The following NPC1L1 variants were observed in gnomAD, a reference collection of about 807,000 sequenced individuals.
NPC1L1 encodes NPC1 like intracellular cholesterol transporter 1.
A neutral mutation model predicts 117.0 loss-of-function variants in NPC1L1; 98 were observed. That is an observed-to-expected ratio of 0.84 (90% confidence interval 0.71 to 0.99). The LOEUF is 0.99. Ranked by LOEUF, NPC1L1 falls within the 50% of genes least tolerant of loss-of-function variation. The probability of loss-of-function intolerance (pLI) is 0.00; values close to 1 mark genes in which losing one functional copy is unlikely to be tolerated. For synonymous variants in NPC1L1, 729 were observed against 727.6 expected (o/e 1.00, Z -0.03); for missense variants, 1,540 against 1,710.0 (o/e 0.90, Z 1.75).
At chr7:44,525,912 T>TC (rs764238105) in intron 10 of NPC1L1, among the ~76,000 whole-genome samples, 13 of 152,252 alleles carry the variant, frequency 8.5e-5, no homozygotes, top group Admixed American at 2.6e-4. Context: ...ATGCCTGTAA[T>TC]CCCAGCACTT....
rs1249418980 is a variant in NPC1L1, at chr7:44,539,080, G to A, written c.1317C>T (p.Asp439=). ...PKNFSGILDL[D]LLLELLELQE... is the part of the protein sequence containing the mutation. The stretch of plus-strand genomic sequence containing the variant: ...GCAGCTCTAGCAGCTCCAGCAGCAA[G>A]TCCAGGTCCAGGATTCCGCTGAAGT... The change falls in exon 2 of 19, where the codon GAC becomes GAT. Residue 439 remains aspartate (D), a synonymous_variant. Coordinates refer to ENST00000381160, the MANE Select transcript of NPC1L1 (RefSeq NM_001101648.2). The surrounding 1 kb of genome is among the most constrained non-coding windows in gnomAD (Gnocchi z 4.4). The A allele has an allele frequency of 6.2e-7, 1 of 1,614,086 alleles. No individual in the cohort carries two copies.
intron 18 of NPC1L1, among the ~76,000 whole-genome samples, chr7:44,514,277 C>A (rs916654473): frequency 6.6e-6 from 1 of 152,222 alleles, no homozygotes; most frequent in Non-Finnish European, 1.5e-5. Flanking sequence ...CCAGAAACAC[C>A]TTCATCCTGG....
chr7:44,521,850 G>C lies in NPC1L1; in HGVS notation c.2829-14C>G. On this transcript the variant is annotated splice_polypyrimidine_tract_variant and intron_variant, in intron 11 of 18. Coordinates refer to ENST00000381160, the MANE Select transcript of NPC1L1 (RefSeq NM_001101648.2). ...GCCAGGTAAGACCTAAGGGGCAGGTGGGAGGAAGGGTGAAAAGGCCAGCTG... is the reference window on the plus strand; with the variant it reads ...GCCAGGTAAGACCTAAGGGGCAGGTCGGAGGAAGGGTGAAAAGGCCAGCTG... 1.2e-6 allele frequency: 2 copies of C among 1,613,948 alleles called. No individual in the cohort carries two copies. Among genetic ancestry groups the C allele is most frequent in the Non-Finnish European group, 1.7e-6 (2 of 1,179,986 alleles).
chr7:44,515,104 A>C (rs1345396561), intron 18 of NPC1L1, among the ~76,000 whole-genome samples: 2 of 152,152 alleles, frequency 1.3e-5, no homozygotes, highest in African/African-American at 2.4e-5. Context: ...CACACCTGTA[A>C]TCCTAGCACT....
intron 10 of NPC1L1, among the ~76,000 whole-genome samples, chr7:44,529,879 C>T (rs939194983): frequency 1.3e-5 from 2 of 150,856 alleles, no homozygotes; most frequent in African/African-American, 4.9e-5. Context: ...ACTAAAAGTA[C>T]AAAAATTAGC....
At position 44,534,714 on chromosome 7, in the gene NPC1L1, C is replaced by T; in HGVS notation, c.1984-85G>A. ...GCCTCAGCTAGGCCAGACAAAGTAG[C>T]CGGCAGGCACCCTCAGTGCCTGCAG... On this transcript the variant is annotated intron_variant, in intron 5 of 18. Coordinates refer to ENST00000381160, the MANE Select transcript of NPC1L1 (RefSeq NM_001101648.2). This position sits in a 1 kb window ranked among gnomAD's most constrained non-coding sequence, Gnocchi z 5.2. 2 of 1,462,352 alleles carry T rather than the reference C, an allele frequency of 1.4e-6. No individual in the cohort carries two copies. Among genetic ancestry groups the T allele is most frequent in the South Asian group, 1.2e-5 (1 of 86,688 alleles). 90.6% of individuals were successfully genotyped at this position (1,462,352 alleles called of 1,614,324 possible). A position where few individuals can be genotyped will look rare whatever the true frequency, so the allele number is the denominator to read the frequency against.
chr7:44,513,401 C>A lies in NPC1L1; in HGVS notation c.*46G>T, dbSNP rs770080176. 2 of 1,572,272 alleles carry A rather than the reference C, an allele frequency of 1.3e-6. No individual in the cohort carries two copies. The highest frequency in any genetic ancestry group is 1.8e-6 in the Non-Finnish European group (2 of 1,142,322). Reference sequence around the variant, plus strand: ...GCAGTCACAAGGAAGATCCCCATAACCCTTTGGTTCAGGGCCATAGAGCCT... The same window carrying A: ...GCAGTCACAAGGAAGATCCCCATAAACCTTTGGTTCAGGGCCATAGAGCCT... On this transcript the variant is annotated 3_prime_UTR_variant, in exon 19 of 19. Coordinates refer to ENST00000381160, the MANE Select transcript of NPC1L1 (RefSeq NM_001101648.2).
At chr7:44,521,176 G>A (rs1801342501) in intron 12 of NPC1L1, 58 bp from the exon 13 acceptor site, 1 of 1,610,968 alleles carries the variant, frequency 6.2e-7, no homozygotes, top group African/African-American at 1.3e-5. Context: ...CTCCTGCTTT[G>A]TGCCCCTCCT....
Position 44,513,642 on chromosome 7 carries a change from G to A in NPC1L1, c.3804C>T (p.Asp1268=), listed in dbSNP as rs376519611. The A allele has an allele frequency of 1.5e-5, 24 of 1,612,470 alleles. 2 individuals are homozygous for A. The highest frequency in any genetic ancestry group is 5.5e-5 in the South Asian group (5 of 91,014). ...GCTCCAGTGCCAGAGCCGGGTTAACGTCAGGCCCTGCGGAGAGACAGAGAA... is the reference window on the plus strand; with the variant it reads ...GCTCCAGTGCCAGAGCCGGGTTAACATCAGGCCCTGCGGAGAGACAGAGAA... ...LPVILSYVGP[D]VNPALALEQK... Residue 1268 remains aspartate (D), a synonymous_variant, in exon 19 of 19, where the codon GAC becomes GAT. Coordinates refer to ENST00000381160, the MANE Select transcript of NPC1L1 (RefSeq NM_001101648.2).
chr7:44,541,036 C>T (rs1458708755), intron 1 of NPC1L1, among the ~76,000 whole-genome samples, 170 bp downstream of exon 1: 1 of 152,194 alleles, frequency 6.6e-6, no homozygotes, highest in African/African-American at 2.4e-5. Context: ...CCTCCACCTG[C>T]ACCCCTCCTC....
chr7:44,535,831 G>A lies in NPC1L1; in HGVS notation c.1983+9C>T, dbSNP rs368846194. ...TAGCCCACTTAGCTGTGTCCCTCCC[G>A]CTTCTCACCATCACTCGGCTCCAGC... On this transcript the variant is annotated intron_variant, in intron 5 of 18. Coordinates refer to ENST00000381160, the MANE Select transcript of NPC1L1 (RefSeq NM_001101648.2). 42 of 1,612,418 alleles carry A rather than the reference G, an allele frequency of 2.6e-5. No individual in the cohort carries two copies. Among genetic ancestry groups the A allele is most frequent in the East Asian group, 2.2e-4 (10 of 44,868 alleles).
At chr7:44,532,281 T>C (rs1233782166) in intron 8 of NPC1L1, 64 bp from the exon 9 acceptor site, 1 of 1,606,180 alleles carries the variant, frequency 6.2e-7, no homozygotes, top group Non-Finnish European at 8.5e-7. Context: ...GACCACCTTC[T>C]TGCCCCCAGG....
intron 10 of NPC1L1, among the ~76,000 whole-genome samples, chr7:44,528,554 CAAATA>C: frequency 6.6e-6 from 1 of 151,988 alleles, no homozygotes; most frequent in Middle Eastern, 3.4e-3. Flanking sequence ...ATGGTAATCA[CAAATA>C]AAATTAGCTG....
rs1171588895 is a variant in NPC1L1, at chr7:44,538,167, C to T, written c.1580+650G>A. 6.6e-6 allele frequency among the ~76,000 whole-genome samples: 1 copy of T among 152,278 alleles called. No homozygotes were observed. Among genetic ancestry groups the T allele is most frequent in the African/African-American group, 2.4e-5 (1 of 41,478 alleles). ...TTGAGGACCTCTGCTCTACTCCAAC[C>T]TCAAGGAGCCTCCACTGCCAAGGCC... On this transcript the variant is annotated intron_variant, in intron 2 of 18. Transcript: ENST00000381160. This position sits in a 1 kb window ranked among gnomAD's most constrained non-coding sequence, Gnocchi z 5.9.
chr7:44,538,359 C>T lies in NPC1L1; in HGVS notation c.1580+458G>A, dbSNP rs955501207. Among the ~76,000 whole-genome samples the T allele has an allele frequency of 1.2e-4, 18 of 152,242 alleles. No individual in the cohort carries two copies. The highest frequency in any genetic ancestry group is 2.2e-4 in the Non-Finnish European group (15 of 68,052). On this transcript the variant is annotated intron_variant, in intron 2 of 18. Transcript: ENST00000381160. This position sits in a 1 kb window ranked among gnomAD's most constrained non-coding sequence, Gnocchi z 5.9. ...CGGCCCAGGTGCCTGAGACCAGCCA[C>T]GACCTCTGGCCTGAGGGCACCTTTT... is the stretch of plus-strand genomic sequence containing the variant.
chr7:44,538,990 G>A lies in NPC1L1; in HGVS notation c.1407C>T (p.Asp469=), dbSNP rs780300877. 8 of 1,614,108 alleles carry A rather than the reference G, an allele frequency of 5.0e-6. No homozygotes were observed. The highest frequency in any genetic ancestry group is 6.8e-6 in the Non-Finnish European group (8 of 1,180,052). Residue 469 remains aspartate (D), a synonymous_variant, in exon 2 of 19, where the codon GAC becomes GAT. Coordinates refer to ENST00000381160, the MANE Select transcript of NPC1L1 (RefSeq NM_001101648.2). The surrounding 1 kb of genome is among the most constrained non-coding windows in gnomAD (Gnocchi z 5.9). Reference sequence around the variant, plus strand: ...CCGGATTGAGGGGGGCGTAGCAGATGTCCTGCAGGGAGATGTTGCGCTGTG... The same window carrying A: ...CCGGATTGAGGGGGGCGTAGCAGATATCCTGCAGGGAGATGTTGCGCTGTG... ...PEAQRNISLQ[D]ICYAPLNPDN... is the part of the protein sequence containing the mutation.
At chr7:44,515,519 G>A (rs778992375) in intron 18 of NPC1L1, among the ~76,000 whole-genome samples, 3 of 152,170 alleles carry the variant, frequency 2.0e-5, no homozygotes, top group Non-Finnish European at 4.4e-5. Flanking sequence ...TCTTGCTGAA[G>A]GGCATGCTTA....
chr7:44,536,747 C>T lies in NPC1L1; in HGVS notation c.1681+95G>A, dbSNP rs932763210. 3.0e-5 allele frequency: 35 copies of T among 1,159,992 alleles called. No individual in the cohort carries two copies. The highest frequency in any genetic ancestry group is 2.5e-4 in the East Asian group (10 of 40,664). 71.9% of individuals were successfully genotyped at this position (1,159,992 alleles called of 1,614,324 possible). ...CAGAAGCCAGGCTACCCCCAGGCCG[C>T]GAGAATCCCCAGCACCACTCCCACC... On this transcript the variant is annotated intron_variant, in intron 3 of 18. Coordinates refer to ENST00000381160, the MANE Select transcript of NPC1L1 (RefSeq NM_001101648.2). The surrounding 1 kb of genome is among the most constrained non-coding windows in gnomAD (Gnocchi z 4.7).
chr7:44,521,571 G>T, intron 12 of NPC1L1, 141 bp downstream of exon 12: 1 of 1,361,334 alleles, frequency 7.3e-7, no homozygotes, highest in Non-Finnish European at 1.0e-6. Flanking sequence ...TGTCCCTCAG[G>T]CCACATCTGC....
Sources: gnomAD v4.1 joint callset for allele counts (sites outside exome capture counted in the v4.1 genomes callset) on GRCh38, gnomAD v4.1.1 for gene constraint, Gnocchi (gnomAD v3.1) non-coding constraint, MANE v1.5 for transcripts, NCBI Gene and HGNC (gene_info 2026-07-23, HGNC 2026-07-21) for gene names.